Variants in SLC16A12 observed in about 807,000 individuals in gnomAD.
SLC16A12 encodes the protein solute carrier family 16 member 12.
A neutral mutation model predicts 42.4 loss-of-function variants in SLC16A12; 17 were observed. The observed-to-expected ratio is 0.40, with a 90% CI of 0.27 to 0.60. The LOEUF (loss-of-function observed/expected upper bound fraction) is 0.60. Ranked by LOEUF, SLC16A12 falls within the 20% of genes least tolerant of loss-of-function variation. The pLI, the probability that SLC16A12 is intolerant of heterozygous loss-of-function variation, is 0.42. For missense variants in SLC16A12, 544 were observed against 623.0 expected (o/e 0.87, Z 1.35); for synonymous variants, 224 against 229.4 (o/e 0.98, Z 0.21).
intron 2 of SLC16A12, among the ~76,000 whole-genome samples, chr10:89,511,322 T>C (rs1843158729): frequency 6.6e-6 from 1 of 152,158 alleles, no homozygotes; most frequent in Non-Finnish European, 1.5e-5. Context: ...AAAGTCTTGA[T>C]ACCAACCCAA....
intron 2 of SLC16A12, among the ~76,000 whole-genome samples, chr10:89,510,203 C>A (rs180961191): frequency 1.3e-5 from 2 of 152,248 alleles, no homozygotes; most frequent in Admixed American, 6.5e-5. Context: ...CAAGCTACCA[C>A]TGACTTTCTT....
At chr10:89,482,588 C>T (rs1842682949) in intron 2 of SLC16A12, among the ~76,000 whole-genome samples, 2 of 151,950 alleles carry the variant, frequency 1.3e-5, no homozygotes, top group African/African-American at 4.8e-5. Context: ...TGAGAACAGC[C>T]TGGGCAACAT....
At chr10:89,492,427 A>T (rs1172165481) in intron 2 of SLC16A12, among the ~76,000 whole-genome samples, 1 of 148,828 alleles carries the variant, frequency 6.7e-6, no homozygotes. Context: ...AAGGACTTGT[A>T]AAAAAAAAAT....
At chr10:89,554,083 A>AAGGAAGGAAGGAAGGAAG (rs1843789966) in intron 2 of SLC16A12, among the ~76,000 whole-genome samples, 3 of 53,228 alleles carry the variant, frequency 5.6e-5, no homozygotes, top group African/African-American at 8.1e-5. Context: ...AAAGAAAGAA[A>AAGGAAGGAAGGAAGGAAG]GAAAGAAAGA....
intron 3 of SLC16A12, among the ~76,000 whole-genome samples, chr10:89,449,594 T>C (rs998994333): frequency 1.3e-5 from 2 of 152,194 alleles, no homozygotes; most frequent in African/African-American, 2.4e-5. Flanking sequence ...TTATACCTTA[T>C]ACAAAAATTA....
chr10:89,505,039 G>A (rs1042563864), intron 2 of SLC16A12, among the ~76,000 whole-genome samples: 2 of 152,164 alleles, frequency 1.3e-5, no homozygotes, highest in African/African-American at 4.8e-5. Flanking sequence ...TTGATTCTGA[G>A]TGTCAAGCAT....
chr10:89,495,357 AAAACAAAC>A (rs529791347), intron 2 of SLC16A12, among the ~76,000 whole-genome samples: 5 of 152,220 alleles, frequency 3.3e-5, no homozygotes, highest in African/African-American at 9.6e-5. Context: ...CGTCTCTCAA[AAAACAAAC>A]AAACAAACAA....
At chr10:89,455,912 T>C (rs931061393) in intron 3 of SLC16A12, among the ~76,000 whole-genome samples, 4 of 152,196 alleles carry the variant, frequency 2.6e-5, no homozygotes, top group African/African-American at 9.6e-5. Context: ...ACTTTCAGTG[T>C]TCATAGGCTC....
At chr10:89,514,260 T>C (rs1340499685) in intron 2 of SLC16A12, among the ~76,000 whole-genome samples, 2 of 152,034 alleles carry the variant, frequency 1.3e-5, no homozygotes, top group East Asian at 3.8e-4. Context: ...TGCAAGGAAA[T>C]TGAGAAAGTG....
chr10:89,554,147 A>AAGGAAG lies in SLC16A12; in HGVS notation c.-47+1734_-47+1735insCTTCCT, dbSNP rs1363375178. 3.3e-4 allele frequency among the ~76,000 whole-genome samples: 31 copies of AAGGAAG among 93,000 alleles called. 1 individual carries two copies. Among genetic ancestry groups the AAGGAAG allele is most frequent in the Admixed American group, 7.6e-4 (8 of 10,574 alleles). The allele number at this position is 93,000 out of a possible 152,430, so 61.0% of individuals were successfully genotyped here. On this transcript the variant is annotated intron_variant, in intron 2 of 2. Coordinates refer to the SLC16A12 transcript ENST00000475682. ...AGGAAGGAAGGAAGGAAGGAAGGAA[A>AAGGAAG]GAAAGAAAGAAAATGGGAAAGTTCT...
At chr10:89,481,078 A>G (rs528048003) in intron 2 of SLC16A12, among the ~76,000 whole-genome samples, 1 of 152,316 alleles carries the variant, frequency 6.6e-6, no homozygotes, top group Non-Finnish European at 1.5e-5. Flanking sequence ...TGAGGACTGT[A>G]TCAGCACACA....
In SLC16A12 at chr10:89,541,688, C is replaced by T. The variant is rs939177946; in HGVS notation, c.-47+14194G>A. ...AGGTCTGCGCTACTGATATTTTAGG[C>T]CTGACAATTCTTTGTTGTGGGGCTC... On this transcript the variant is annotated intron_variant, in intron 2 of 2. Coordinates refer to the SLC16A12 transcript ENST00000475682. Among the ~76,000 whole-genome samples, 3 of 152,290 alleles carry T rather than the reference C, an allele frequency of 2.0e-5. No individual in the cohort carries two copies. In the South Asian group the frequency reaches 6.2e-4, roughly 32 times the overall value.
At chr10:89,481,023 A>T (rs764965823) in intron 2 of SLC16A12, among the ~76,000 whole-genome samples, 2 of 152,156 alleles carry the variant, frequency 1.3e-5, no homozygotes, top group Non-Finnish European at 2.9e-5. Flanking sequence ...CACAAATGCT[A>T]TGTCCAATCC....
chr10:89,516,340 C>T (rs1304764748), intron 2 of SLC16A12, among the ~76,000 whole-genome samples: 1 of 152,218 alleles, frequency 6.6e-6, no homozygotes, highest in East Asian at 1.9e-4. Context: ...GGCTACTTCA[C>T]ACTGGAGGCC....
chr10:89,489,251 A>G (rs1031804745), intron 2 of SLC16A12, among the ~76,000 whole-genome samples: 5 of 152,214 alleles, frequency 3.3e-5, no homozygotes, highest in African/African-American at 9.7e-5. Flanking sequence ...GATGTTTCCA[A>G]AAATCATATT....
At chr10:89,437,553 C>T (rs1427533805) in intron 6 of SLC16A12, among the ~76,000 whole-genome samples, 1 of 150,986 alleles carries the variant, frequency 6.6e-6, no homozygotes, top group East Asian at 2.0e-4. Context: ...GTAGAGATGC[C>T]TCCATTAGAC....
At position 89,431,922 on chromosome 10, in the gene SLC16A12, G is replaced by A. The variant is rs1446550323; in HGVS notation, c.*1142C>T. The A allele has an allele frequency of 6.6e-6, 1 of 152,232 alleles. No individual in the cohort carries two copies. The highest frequency in any genetic ancestry group is 2.4e-5 in the African/African-American group (1 of 41,462). The allele number at this position is 152,232 out of a possible 1,614,324, so 9.4% of individuals were successfully genotyped here. On this transcript the variant is annotated 3_prime_UTR_variant, in exon 8 of 8. Coordinates refer to ENST00000371790, the MANE Select transcript of SLC16A12 (RefSeq NM_213606.4). ...ATAAAGAGATGAAGAGCAGTGGATA[G>A]TGGAACAAGAATTAACACAGGGAGA...
At chr10:89,440,993 G>T (rs1841899098) in intron 5 of SLC16A12, 115 bp downstream of exon 5, 5 of 1,314,800 alleles carry the variant, frequency 3.8e-6, no homozygotes, top group Non-Finnish European at 5.4e-6. Context: ...CATAAGCTAG[G>T]TCAACTAAAT....
In SLC16A12 at chr10:89,431,769, C is replaced by A. The variant is rs1195686629; in HGVS notation, c.*1295G>T. The A allele has an allele frequency of 2.0e-5, 3 of 152,198 alleles. No homozygotes were observed. Among genetic ancestry groups the A allele is most frequent in the Non-Finnish European group, 4.4e-5 (3 of 68,032 alleles). The allele number at this position is 152,198 out of a possible 1,614,324, so 9.4% of individuals were successfully genotyped here. A position where few individuals can be genotyped will look rare whatever the true frequency, so the allele number is the denominator to read the frequency against. On this transcript the variant is annotated 3_prime_UTR_variant, in exon 8 of 8. Transcript: ENST00000371790. ...TTGGAAACAAGCTGGGGGATCTGGA[C>A]TTTTTCTTCCCTCCATGCCTTCCCT...
Sources: allele counts gnomAD v4.1 joint callset (sites outside exome capture counted in the v4.1 genomes callset), GRCh38; gene constraint gnomAD v4.1.1; transcripts MANE v1.5; gene names NCBI Gene and HGNC (gene_info 2026-07-23, HGNC 2026-07-21).